TMEM74: variants seen among roughly 807,000 people sequenced by gnomAD.
The protein encoded by TMEM74 is transmembrane protein 74.
TMEM74 carries 13 observed loss-of-function variants against 18.1 expected under a neutral mutation model. That is an observed-to-expected ratio of 0.72 (90% CI 0.47 to 1.14). The LOEUF (loss-of-function observed/expected upper bound fraction) is 1.14, where lower values mean the gene tolerates loss of function less well. Ranked by LOEUF, TMEM74 falls within the 50% of genes most tolerant of loss-of-function variation. TMEM74 has a pLI of 0.00. For missense variants in TMEM74, 372 were observed against 375.9 expected (o/e 0.99, Z 0.09); for synonymous variants, 159 against 146.6 (o/e 1.08, Z -0.61).
intron 1 of TMEM74, among the ~76,000 whole-genome samples, chr8:108,666,490 G>A (rs1429383585): frequency 6.6e-6 from 1 of 152,152 alleles, no homozygotes; most frequent in African/African-American, 2.4e-5. Flanking sequence ...TTTAAGGGCA[G>A]CAGTCAAATA....
intron 1 of TMEM74, among the ~76,000 whole-genome samples, chr8:108,722,438 T>G (rs537886109): frequency 6.6e-6 from 1 of 152,328 alleles, no homozygotes; most frequent in African/African-American, 2.4e-5. Context: ...GACTGAACAC[T>G]GACCAAAACT....
chr8:108,630,417 C>T (rs113595842), intron 2 of TMEM74, among the ~76,000 whole-genome samples: 5 of 151,986 alleles, frequency 3.3e-5, no homozygotes, highest in Admixed American at 1.3e-4. Flanking sequence ...TTAGACAGAT[C>T]GACGAGACAG....
chr8:108,782,055 A>T lies in TMEM74; in HGVS notation c.*2126T>A, dbSNP rs985413746. Among the ~76,000 whole-genome samples, 5 of 152,178 alleles carry T rather than the reference A, an allele frequency of 3.3e-5. No individual in the cohort carries two copies. The highest frequency in any genetic ancestry group is 1.2e-4 in the African/African-American group (5 of 41,432). ...GATCTCATTTAGCTTCTATGAATAAACATTAGTTTTTTCTTTAATGCCTTC... is the reference window on the plus strand; with the variant it reads ...GATCTCATTTAGCTTCTATGAATAATCATTAGTTTTTTCTTTAATGCCTTC... On this transcript the variant is annotated 3_prime_UTR_variant, in exon 2 of 2. Coordinates refer to ENST00000297459, the MANE Select transcript of TMEM74 (RefSeq NM_153015.3).
At chr8:108,679,524 C>T (rs1442924017) in intron 1 of TMEM74, among the ~76,000 whole-genome samples, 2 of 152,126 alleles carry the variant, frequency 1.3e-5, no homozygotes, top group Non-Finnish European at 1.5e-5. Flanking sequence ...TTTCATGTGT[C>T]TTTTGGCTGC....
intron 2 of TMEM74, among the ~76,000 whole-genome samples, chr8:108,618,080 G>T (rs1017991703): frequency 6.6e-6 from 1 of 152,146 alleles, no homozygotes; most frequent in Non-Finnish European, 1.5e-5. Flanking sequence ...ATTGACAGAA[G>T]TAGCTGATTC....
downstream of TMEM74, among the ~76,000 whole-genome samples, chr8:108,778,713 T>C (rs916777548): frequency 1.3e-5 from 2 of 152,140 alleles, no homozygotes; most frequent in East Asian, 3.9e-4. Context: ...CAAATGAAAA[T>C]GGAGATCAAA....
rs1195765495 is a variant in TMEM74 at position 108,718,210 on chromosome 8, G to A, written n.120-62773C>T. Among the ~76,000 whole-genome samples, 9 of 70,866 alleles carry A rather than the reference G, an allele frequency of 1.3e-4. 2 individuals carry two copies. Among genetic ancestry groups the A allele is most frequent in the Admixed American group, 4.2e-4 (3 of 7,146 alleles). 46.5% of individuals were successfully genotyped at this position (70,866 alleles called of 152,430 possible). On this transcript the variant is annotated intron_variant and non_coding_transcript_variant, in intron 1 of 3. Coordinates refer to the TMEM74 transcript ENST00000518838. ...CCTGACCTCGTGATCCGCCCGCCTC[G>A]GCCTCCCAAAGTGCTGGGATTACAG...
chr8:108,754,051 A>T (rs1813931194), intron 1 of TMEM74, among the ~76,000 whole-genome samples: 1 of 152,048 alleles, frequency 6.6e-6, no homozygotes, highest in Non-Finnish European at 1.5e-5. Flanking sequence ...TGCTTATCTT[A>T]ACAAGTTCTG....
intron 2 of TMEM74, among the ~76,000 whole-genome samples, chr8:108,610,630 GA>G (rs1812325273): frequency 6.6e-6 from 1 of 152,176 alleles, no homozygotes; most frequent in Non-Finnish European, 1.5e-5. Flanking sequence ...ACAGCCACAG[GA>G]ATGCCTTAGA....
intron 2 of TMEM74, chr8:108,608,856 G>A (rs952916923): frequency 6.6e-6 from 1 of 152,130 alleles, no homozygotes; most frequent in Non-Finnish European, 1.5e-5. Flanking sequence ...GAAACATGTG[G>A]ATTAAATTTC....
At chr8:108,692,935 G>C (rs1330426013) in intron 1 of TMEM74, among the ~76,000 whole-genome samples, 1 of 151,928 alleles carries the variant, frequency 6.6e-6, no homozygotes, top group African/African-American at 2.4e-5. Flanking sequence ...CTATTGTCAA[G>C]GATTATACAA....
At chr8:108,615,402 C>T (rs953070216) in intron 2 of TMEM74, among the ~76,000 whole-genome samples, 1 of 152,190 alleles carries the variant, frequency 6.6e-6, no homozygotes, top group African/African-American at 2.4e-5. Context: ...CTCAACCTTC[C>T]AACCACATAA....
At chr8:108,633,282 C>T (rs1201238975) in intron 2 of TMEM74, among the ~76,000 whole-genome samples, 1 of 151,912 alleles carries the variant, frequency 6.6e-6, no homozygotes, top group Non-Finnish European at 1.5e-5. Flanking sequence ...TGTGATAATA[C>T]TAAGTTTTGA....
intron 1 of TMEM74, among the ~76,000 whole-genome samples, chr8:108,676,629 G>A (rs773838001): frequency 6.6e-6 from 1 of 152,012 alleles, no homozygotes; most frequent in Non-Finnish European, 1.5e-5. Flanking sequence ...TCACCCTCTA[G>A]TAAAATGTGT....
intron 2 of TMEM74, among the ~76,000 whole-genome samples, chr8:108,625,551 T>C (rs935013209): frequency 6.6e-6 from 1 of 152,022 alleles, no homozygotes; most frequent in East Asian, 1.9e-4. Flanking sequence ...CACAAAATTA[T>C]GTATTGCAGA....
At chr8:108,714,165 ACCAGGCTTCTAGGT>A (rs1317187402) in intron 1 of TMEM74, among the ~76,000 whole-genome samples, 16 of 152,210 alleles carry the variant, frequency 1.1e-4, no homozygotes, top group Admixed American at 1.0e-3. Flanking sequence ...ATAATTCTTT[ACCAGGCTTCTAGGT>A]ATTCCTTAAT....
At chr8:108,696,325 A>G (rs751322053) in intron 1 of TMEM74, among the ~76,000 whole-genome samples, 1 of 152,310 alleles carries the variant, frequency 6.6e-6, no homozygotes, top group East Asian at 1.9e-4. Context: ...CTATATTGCA[A>G]ATGAAAAATC....
At chr8:108,708,802 T>A (rs1813444048) in intron 1 of TMEM74, among the ~76,000 whole-genome samples, 5 of 26,140 alleles carry the variant, frequency 1.9e-4, no homozygotes, top group Admixed American at 1.1e-3. Context: ...CTTCTACAAC[T>A]CAATAGCAAA....
chr8:108,706,203 G>A (rs1054125541), intron 1 of TMEM74, among the ~76,000 whole-genome samples: 8 of 152,086 alleles, frequency 5.3e-5, no homozygotes, highest in South Asian at 2.1e-4. Context: ...AGCTCAACAC[G>A]TATCTGTTTT....
Sources: gnomAD v4.1 joint callset for allele counts (sites outside exome capture counted in the v4.1 genomes callset) on GRCh38, gnomAD v4.1.1 for gene constraint, MANE v1.5 for transcripts, NCBI Gene and HGNC (gene_info 2026-07-23, HGNC 2026-07-21) for gene names.